Variants in UBXN7 observed in about 807,000 individuals in gnomAD.
UBXN7 encodes the protein UBX domain protein 7.
Under a neutral mutation model 58.0 loss-of-function variants are expected in UBXN7, and 9 were observed. The observed-to-expected ratio is 0.16, with a 90% CI of 0.09 to 0.27. UBXN7 has a LOEUF of 0.27. Among genes scored for constraint, UBXN7 ranks in the 10% least tolerant of loss-of-function variants. The pLI is 1.00. For missense variants in UBXN7, 328 were observed against 599.6 expected, an observed-to-expected ratio of 0.55 and a Z score of 4.73; for synonymous variants, 208 against 205.0, an observed-to-expected ratio of 1.01 and a Z score of -0.12.
chr3:196,370,791 G>A (rs762950239), intron 6 of UBXN7, among the ~76,000 whole-genome samples: 3 of 149,132 alleles, frequency 2.0e-5, no homozygotes, highest in Non-Finnish European at 4.4e-5. Flanking sequence ...GAAGCCAAGG[G>A]AAGCAGATGG....
At chr3:196,373,013 A>T (rs1728889265) in intron 5 of UBXN7, among the ~76,000 whole-genome samples, 1 of 152,216 alleles carries the variant, frequency 6.6e-6, no homozygotes, top group African/African-American at 2.4e-5. Context: ...AGCCTCCCAA[A>T]GTGCTGGGAT....
intron 1 of UBXN7, among the ~76,000 whole-genome samples, chr3:196,420,501 A>G (rs901274704): frequency 5.3e-5 from 8 of 151,378 alleles, no homozygotes; most frequent in Non-Finnish European, 7.4e-5. Context: ...ATTGCACTCC[A>G]GCCTGGGTGA....
intron 5 of UBXN7, among the ~76,000 whole-genome samples, chr3:196,381,669 G>C (rs534372430): frequency 2.0e-5 from 3 of 152,210 alleles, no homozygotes; most frequent in African/African-American, 4.8e-5. Context: ...GTCTTCAGAA[G>C]GTCGGTAATA....
chr3:196,417,723 T>TAAA (rs1730541556), intron 1 of UBXN7, among the ~76,000 whole-genome samples: 1 of 78,414 alleles, frequency 1.3e-5, no homozygotes, highest in African/African-American at 5.2e-5. Flanking sequence ...GGCAAAATGG[T>TAAA]TAAAAAAAAA....
chr3:196,361,801 TA>T, intron 10 of UBXN7, 42 bp downstream of exon 10: 1 of 1,548,374 alleles, frequency 6.5e-7, no homozygotes, highest in Non-Finnish European at 8.9e-7. Context: ...GGACTCGTCT[TA>T]TTGCAGTGGT....
At chr3:196,401,324 TATATATATACAC>T (rs1278547562) in intron 3 of UBXN7, among the ~76,000 whole-genome samples, 5 of 121,528 alleles carry the variant, frequency 4.1e-5, no homozygotes, top group Non-Finnish European at 8.2e-5. Context: ...CACACACATA[TATATATATACAC>T]ATATATACAA....
At position 196,362,601 on chromosome 3, in the gene UBXN7, C is replaced by CAAAA; in HGVS notation, c.920_921insTTTT (p.Gln307HisfsTer7). The CAAAA allele has an allele frequency of 6.2e-7, 1 of 1,614,142 alleles. No homozygotes were observed. On this transcript the variant is annotated frameshift_variant, in exon 9 of 11. Transcript: ENST00000296328. LOFTEE classifies it high-confidence loss of function. The stretch of plus-strand genomic sequence containing the variant: ...CATCTGAGCGGCTATCCTGTTTTGT[C>CAAAA]TGTGTTGAATCAAAATGTGTTTCTT...
At chr3:196,406,332 C>A (rs544840330) in intron 2 of UBXN7, among the ~76,000 whole-genome samples, 37 of 151,216 alleles carry the variant, frequency 2.4e-4, no homozygotes, top group African/African-American at 9.0e-4. Flanking sequence ...CATGCCTGGA[C>A]TTTTTTTTTA....
intron 10 of UBXN7, among the ~76,000 whole-genome samples, chr3:196,360,999 G>A (rs1451596545): frequency 6.6e-6 from 1 of 152,160 alleles, no homozygotes; most frequent in African/African-American, 2.4e-5. Context: ...AGATTCCTTT[G>A]ATGAATCTGG....
chr3:196,408,981 G>A (rs901330369), intron 1 of UBXN7, among the ~76,000 whole-genome samples: 8 of 152,124 alleles, frequency 5.3e-5, no homozygotes, highest in Non-Finnish European at 1.0e-4. Context: ...TTTGATCGTT[G>A]TCTCGCCCCC....
chr3:196,363,835 A>G (rs1230348617), intron 8 of UBXN7, among the ~76,000 whole-genome samples: 2 of 151,980 alleles, frequency 1.3e-5, no homozygotes, highest in Admixed American at 1.3e-4. Context: ...AGGCTGAGGC[A>G]GGAAAATCAC....
At chr3:196,370,560 T>C (rs1392385353) in intron 6 of UBXN7, among the ~76,000 whole-genome samples, 1 of 151,846 alleles carries the variant, frequency 6.6e-6, no homozygotes, top group Non-Finnish European at 1.5e-5. Flanking sequence ...CGATCAATAT[T>C]TGTTGAATAA....
intron 5 of UBXN7, among the ~76,000 whole-genome samples, chr3:196,376,402 C>T (rs1729021520): frequency 6.6e-6 from 1 of 151,564 alleles, no homozygotes; most frequent in Non-Finnish European, 1.5e-5. Context: ...AAAAATTAGC[C>T]AGGCGTGGTG....
intron 8 of UBXN7, among the ~76,000 whole-genome samples, chr3:196,366,360 T>C (rs1357260054): frequency 6.6e-6 from 1 of 151,522 alleles, no homozygotes; most frequent in African/African-American, 2.4e-5. Flanking sequence ...CCACAAAAAA[T>C]AAAAAATTAG....
chr3:196,405,035 T>A (rs534406729), intron 2 of UBXN7, among the ~76,000 whole-genome samples: 2 of 152,242 alleles, frequency 1.3e-5, no homozygotes, highest in East Asian at 1.9e-4. Context: ...GCGCCTATAG[T>A]CCCAGCTACT....
chr3:196,428,736 TAAAG>T (rs1730925809), intron 1 of UBXN7, among the ~76,000 whole-genome samples: 1 of 137,470 alleles, frequency 7.3e-6, no homozygotes. Context: ...CCACAAAAAA[TAAAG>T]AAAGTTACCC....
intron 5 of UBXN7, among the ~76,000 whole-genome samples, chr3:196,374,993 AG>A (rs1560223311): frequency 2.1e-5 from 1 of 47,284 alleles, no homozygotes; most frequent in Admixed American, 1.9e-4. Context: ...GAAGGGAGGG[AG>A]GGAGGGAGGG....
At chr3:196,428,042 T>G (rs1213473091) in intron 1 of UBXN7, among the ~76,000 whole-genome samples, 1 of 152,180 alleles carries the variant, frequency 6.6e-6, no homozygotes, top group Non-Finnish European at 1.5e-5. Flanking sequence ...GAGAACTGCT[T>G]GAACCCAGGA....
intron 8 of UBXN7, among the ~76,000 whole-genome samples, chr3:196,363,085 A>AT (rs1405243458): frequency 2.6e-4 from 39 of 150,884 alleles, no homozygotes; most frequent in Non-Finnish European, 3.0e-5. Context: ...TTATTTATTT[A>AT]TTTTTTTGTA....
Sources: allele counts gnomAD v4.1 joint callset (sites outside exome capture counted in the v4.1 genomes callset), GRCh38; gene constraint gnomAD v4.1.1; transcripts MANE v1.5; gene names NCBI Gene and HGNC (gene_info 2026-07-23, HGNC 2026-07-21).